Variants in RBMS2 observed in about 807,000 individuals in gnomAD.
RBMS2 encodes RNA-binding motif, single-stranded-interacting protein 2.
RBMS2 carries 38 observed loss-of-function variants against 58.4 expected under a neutral mutation model. The ratio of observed to expected loss-of-function variants is 0.65; its 90% confidence interval spans 0.50 to 0.85. The LOEUF is 0.85. Among genes scored for constraint, RBMS2 ranks in the 40% least tolerant of loss-of-function variants. The pLI is 0.00. For missense variants in RBMS2, 367 were observed against 503.7 expected, an observed-to-expected ratio of 0.73 and a Z score of 2.60; for synonymous variants, 151 against 180.7, an observed-to-expected ratio of 0.84 and a Z score of 1.32.
rs749569458 is a variant in RBMS2, at chr12:56,582,086, C to G, written c.807C>G (p.Thr269=). 1 of 1,613,204 alleles carries G rather than the reference C, an allele frequency of 6.2e-7. No individual in the cohort carries two copies. Among genetic ancestry groups the G allele is most frequent in the Admixed American group, 1.7e-5 (1 of 59,976 alleles). The change falls in exon 9 of 14, where the codon ACC becomes ACG. Residue 269 remains threonine, a synonymous_variant. Coordinates refer to ENST00000262031, the MANE Select transcript of RBMS2 (RefSeq NM_002898.4). ...NGFYPAPYNI[T]PNRMLAQSAL... is the part of the protein sequence containing the mutation. ...TTTACCCAGCCCCCTATAACATCAC[C>G]CCCAACAGGATGCTTGCTCAGTCTG...
chr12:56,566,408 C>T (rs1410651529), intron 2 of RBMS2, among the ~76,000 whole-genome samples: 1 of 152,142 alleles, frequency 6.6e-6, no homozygotes, highest in Non-Finnish European at 1.5e-5. Flanking sequence ...AATGTAGAGG[C>T]TTTTTTCTAG....
chr12:56,561,367 T>A (rs1044761839), intron 1 of RBMS2, among the ~76,000 whole-genome samples: 1 of 152,172 alleles, frequency 6.6e-6, no homozygotes, highest in Non-Finnish European at 1.5e-5. Flanking sequence ...GTTGAAATAA[T>A]TTACACTCCC....
chr12:56,555,372 G>A (rs1278815005), intron 1 of RBMS2, among the ~76,000 whole-genome samples: 8 of 150,876 alleles, frequency 5.3e-5, no homozygotes, highest in Admixed American at 1.3e-4. Flanking sequence ...CCCAGGAGGC[G>A]GAGGTTGCGG....
chr12:56,575,696 A>G (rs1340832258), intron 5 of RBMS2, among the ~76,000 whole-genome samples: 2 of 151,966 alleles, frequency 1.3e-5, no homozygotes, highest in African/African-American at 4.8e-5. Flanking sequence ...GGAGTTCGAG[A>G]CCAGCCTGAC....
intron 5 of RBMS2, among the ~76,000 whole-genome samples, chr12:56,572,461 G>A (rs1882467427): frequency 6.7e-6 from 1 of 150,062 alleles, no homozygotes; most frequent in Non-Finnish European, 1.5e-5. Context: ...AAGCAGTTGG[G>A]ATTACAGGCA....
intron 2 of RBMS2, among the ~76,000 whole-genome samples, chr12:56,565,828 G>A (rs1427411775): frequency 6.6e-6 from 1 of 152,076 alleles, no homozygotes; most frequent in Non-Finnish European, 1.5e-5. Context: ...AAGGAGAGGC[G>A]TGGAGTCTAG....
chr12:56,571,689 T>C lies in RBMS2; in HGVS notation c.385-9T>C. 1 of 1,530,304 alleles carries C rather than the reference T, an allele frequency of 6.5e-7. No individual in the cohort carries two copies. Among genetic ancestry groups the C allele is most frequent in the Non-Finnish European group, 8.8e-7 (1 of 1,133,990 alleles). 94.8% of individuals were successfully genotyped at this position (1,530,304 alleles called of 1,614,324 possible). A position where few individuals can be genotyped will look rare whatever the true frequency, so the allele number is the denominator to read the frequency against. On this transcript the variant is annotated splice_polypyrimidine_tract_variant and intron_variant, in intron 4 of 13. Transcript: ENST00000262031. ...TGTGAGCCTCATTTTCTCACTGTTA[T>C]TTCCACAGCAACAGGAACAGGACCC...
In RBMS2 at chr12:56,569,892, G is replaced by A. The variant is rs761439933; in HGVS notation, c.293-7G>A. ...ACTTCCTAGTGATGCTGTTTCCTCTGTTCCAGGCTATGGCTTTGTAGATTT... is the reference window on the plus strand; with the variant it reads ...ACTTCCTAGTGATGCTGTTTCCTCTATTCCAGGCTATGGCTTTGTAGATTT... On this transcript the variant is annotated splice_polypyrimidine_tract_variant and splice_region_variant and intron_variant, in intron 3 of 13. Coordinates refer to ENST00000262031, the MANE Select transcript of RBMS2 (RefSeq NM_002898.4). 3 of 1,609,448 alleles carry A rather than the reference G, an allele frequency of 1.9e-6. No individual in the cohort carries two copies. The highest frequency in any genetic ancestry group is 2.6e-6 in the Non-Finnish European group (3 of 1,175,832).
chr12:56,586,287 C>A (rs544292401), intron 9 of RBMS2, among the ~76,000 whole-genome samples: 62 of 151,670 alleles, frequency 4.1e-4, no homozygotes, highest in African/African-American at 1.3e-3. Flanking sequence ...AGCTGAGATC[C>A]TGCCACTGCA....
chr12:56,523,776 T>C (rs528742667), intron 1 of RBMS2, among the ~76,000 whole-genome samples: 42 of 152,202 alleles, frequency 2.8e-4, no homozygotes, highest in Non-Finnish European at 4.9e-4. Flanking sequence ...AAATGAAATA[T>C]GAGTTTATAC....
At chr12:56,557,476 G>C (rs920723937) in intron 1 of RBMS2, among the ~76,000 whole-genome samples, 2 of 152,056 alleles carry the variant, frequency 1.3e-5, no homozygotes, top group East Asian at 3.9e-4. Context: ...GTAAGCAATG[G>C]CTTACTATAG....
At chr12:56,561,220 G>A (rs988057426) in intron 1 of RBMS2, among the ~76,000 whole-genome samples, 33 of 152,182 alleles carry the variant, frequency 2.2e-4, no homozygotes, top group Admixed American at 2.6e-4. Context: ...GTGCTGCAGC[G>A]AACATACACA....
At chr12:56,527,333 C>T (rs990677151) in intron 1 of RBMS2, among the ~76,000 whole-genome samples, 7 of 152,224 alleles carry the variant, frequency 4.6e-5, no homozygotes, top group Admixed American at 6.5e-5. Context: ...AGTGGTAGGC[C>T]GGGCGCAGTG....
At chr12:56,538,225 G>T (rs755597718) in intron 1 of RBMS2, among the ~76,000 whole-genome samples, 8 of 151,710 alleles carry the variant, frequency 5.3e-5, no homozygotes, top group Non-Finnish European at 8.8e-5. Flanking sequence ...TAGAGATGGG[G>T]TTTTGCCATG....
intron 1 of RBMS2, among the ~76,000 whole-genome samples, chr12:56,540,769 C>T (rs942313396): frequency 6.6e-6 from 1 of 152,104 alleles, no homozygotes; most frequent in Non-Finnish European, 1.5e-5. Context: ...GCAACTTATC[C>T]AAAGTCACAC....
intron 9 of RBMS2, among the ~76,000 whole-genome samples, chr12:56,584,949 A>G (rs1203226828): frequency 6.7e-6 from 1 of 149,698 alleles, no homozygotes; most frequent in African/African-American, 2.5e-5. Context: ...TCAGCCTCCC[A>G]AGTAGCTGGG....
At chr12:56,527,574 T>C (rs1435138263) in intron 1 of RBMS2, among the ~76,000 whole-genome samples, 2 of 151,932 alleles carry the variant, frequency 1.3e-5, no homozygotes, top group African/African-American at 4.8e-5. Flanking sequence ...ATCGCGCCAT[T>C]GCACTTCAGC....
intron 1 of RBMS2, among the ~76,000 whole-genome samples, chr12:56,533,397 C>A (rs1452349968): frequency 3.0e-5 from 4 of 132,298 alleles, no homozygotes. Context: ...CCGCGGCACC[C>A]AGCCCTATTA....
At chr12:56,570,719 A>G (rs1882153233) in intron 4 of RBMS2, among the ~76,000 whole-genome samples, 1 of 152,190 alleles carries the variant, frequency 6.6e-6, no homozygotes, top group South Asian at 2.1e-4. Flanking sequence ...CTGGGACTAC[A>G]GGCACCCGCC....
Sources: gnomAD v4.1 joint callset for allele counts (sites outside exome capture counted in the v4.1 genomes callset) on GRCh38, gnomAD v4.1.1 for gene constraint, MANE v1.5 for transcripts, NCBI Gene and HGNC (gene_info 2026-07-23, HGNC 2026-07-21) for gene names.